LRRC75A: variants seen among roughly 807,000 people sequenced by gnomAD.
LRRC75A encodes the protein leucine-rich repeat-containing protein 75A.
LRRC75A carries 12 observed loss-of-function variants against 26.0 expected under a neutral mutation model. That is an observed-to-expected ratio of 0.46 (90% CI 0.30 to 0.75). LRRC75A has a LOEUF of 0.75. LRRC75A is among the 30% of genes least tolerant of loss of function. The probability of loss-of-function intolerance (pLI) is 0.08; values close to 1 mark genes in which losing one functional copy is unlikely to be tolerated. For missense variants in LRRC75A, 410 were observed against 486.6 expected, an observed-to-expected ratio of 0.84 and a Z score of 1.48; for synonymous variants, 223 against 219.3, an observed-to-expected ratio of 1.02 and a Z score of -0.15.
intron 1 of LRRC75A, among the ~76,000 whole-genome samples, chr17:16,476,952 A>C (rs1360215879): frequency 4.0e-5 from 6 of 150,870 alleles, no homozygotes; most frequent in Admixed American, 2.6e-4. Flanking sequence ...GTTAGCCAGG[A>C]TGGTCTCAAT....
chr17:16,457,213 T>C (rs796367372), intron 2 of LRRC75A, among the ~76,000 whole-genome samples: 55 of 152,292 alleles, frequency 3.6e-4, no homozygotes, highest in African/African-American at 1.3e-3. Context: ...TTCAAGGCTA[T>C]CCCTCCCTCA....
At chr17:16,475,692 C>T (rs1448974221) in intron 1 of LRRC75A, among the ~76,000 whole-genome samples, 1 of 152,088 alleles carries the variant, frequency 6.6e-6, no homozygotes, top group Non-Finnish European at 1.5e-5. Flanking sequence ...CCTGCCTCAG[C>T]CCCCTGAATA....
intron 2 of LRRC75A, among the ~76,000 whole-genome samples, chr17:16,453,308 A>G (rs71360170): frequency 0.3 from 31,370 of 103,632 alleles, 3,634 homozygotes; most frequent in Non-Finnish European, 0.45. Context: ...ACACACACAC[A>G]CACGCACACA....
chr17:16,474,863 G>A (rs1279312859), intron 1 of LRRC75A, among the ~76,000 whole-genome samples: 1 of 151,688 alleles, frequency 6.6e-6, no homozygotes, highest in Non-Finnish European at 1.5e-5. Context: ...CGTGGTGGTG[G>A]GCGCCTGTAG....
intron 3 of LRRC75A, among the ~76,000 whole-genome samples, chr17:16,446,133 T>C (rs920167782): frequency 6.6e-6 from 1 of 152,222 alleles, no homozygotes; most frequent in Non-Finnish European, 1.5e-5. Context: ...GGTCTTGAAC[T>C]TCCTACTTCA....
At chr17:16,480,643 C>CAAAAA (rs60509458) in intron 1 of LRRC75A, among the ~76,000 whole-genome samples, 1 of 135,976 alleles carries the variant, frequency 7.4e-6, no homozygotes, top group African/African-American at 2.8e-5. Context: ...AAAAAAAAAA[C>CAAAAA]AAAAAAAAAA....
At position 16,486,097 on chromosome 17, in the gene LRRC75A, T is replaced by C. The variant is rs192777488; in HGVS notation, c.246+5648A>G. Among the ~76,000 whole-genome samples the C allele has an allele frequency of 3.9e-5, 6 of 152,218 alleles. No individual in the cohort carries two copies. In the East Asian group the frequency reaches 7.7e-4, roughly 20 times the overall value. On this transcript the variant is annotated intron_variant, in intron 1 of 3. Transcript: ENST00000470794. ...TGATGGGAAGTTTCAATCCATTCTG[T>C]AAGAATTTCCTGAAAACAGACTGTG...
rs1347926209 is a variant in LRRC75A at position 16,492,101 on chromosome 17, G to A, written c.-111C>T. On this transcript the variant is annotated 5_prime_UTR_variant, in exon 1 of 4. Coordinates refer to ENST00000470794, the MANE Select transcript of LRRC75A (RefSeq NM_001113567.3). ...CTCGCCTCCCGGGCTGCAACTTTGG[G>A]GGAACTGTTGCGCGCGGGCGTCGCG... is the stretch of plus-strand genomic sequence containing the variant. The A allele has an allele frequency of 6.2e-6, 6 of 967,896 alleles. No individual in the cohort carries two copies. The East Asian group carries it at 4.7e-4, about 75-fold the overall frequency. 60.0% of individuals were successfully genotyped at this position (967,896 alleles called of 1,614,324 possible). A position where few individuals can be genotyped will look rare whatever the true frequency, so the allele number is the denominator to read the frequency against.
intron 1 of LRRC75A, among the ~76,000 whole-genome samples, chr17:16,487,453 T>G (rs1457467711): frequency 6.6e-6 from 1 of 152,172 alleles, no homozygotes; most frequent in Non-Finnish European, 1.5e-5. Context: ...AGGGGTGAGT[T>G]AAACTCTTAG....
chr17:16,474,153 C>T (rs1352130046), intron 1 of LRRC75A, among the ~76,000 whole-genome samples: 1 of 137,224 alleles, frequency 7.3e-6, no homozygotes, highest in Non-Finnish European at 1.5e-5. Flanking sequence ...CATGGCTCTG[C>T]CCACACGTGG....
chr17:16,448,710 A>G (rs2093606778), intron 2 of LRRC75A, among the ~76,000 whole-genome samples: 1 of 152,218 alleles, frequency 6.6e-6, no homozygotes, highest in South Asian at 2.1e-4. Context: ...ATCCTGTATG[A>G]CTGGTGTCCT....
intron 3 of LRRC75A, chr17:16,446,994 G>A: frequency 2.9e-6 from 1 of 350,430 alleles, no homozygotes; most frequent in Non-Finnish European, 5.7e-6. Context: ...TCTCCATGAG[G>A]GAGGGGGACA....
intron 2 of LRRC75A, among the ~76,000 whole-genome samples, chr17:16,450,434 A>ACCCCTGCCCCCAG (rs6146006): frequency 0.38 from 57,558 of 151,122 alleles, 11,169 homozygotes; most frequent in African/African-American, 0.42. Flanking sequence ...GCCCATCCCC[A>ACCCCTGCCCCCAG]CCCCTGCCCC....
intron 1 of LRRC75A, among the ~76,000 whole-genome samples, chr17:16,480,035 T>C (rs1208248182): frequency 6.6e-6 from 1 of 152,088 alleles, no homozygotes; most frequent in Admixed American, 6.5e-5. Context: ...ACAAACCCTA[T>C]TGTAACCTGC....
chr17:16,454,226 A>G (rs1303628377), intron 2 of LRRC75A, among the ~76,000 whole-genome samples: 1 of 151,844 alleles, frequency 6.6e-6, no homozygotes, highest in Admixed American at 6.6e-5. Flanking sequence ...CTCCATCTCT[A>G]CTAAAAATAC....
intron 1 of LRRC75A, among the ~76,000 whole-genome samples, chr17:16,473,346 C>A (rs2093812214): frequency 6.6e-6 from 1 of 152,120 alleles, no homozygotes; most frequent in African/African-American, 2.4e-5. Flanking sequence ...TGCTACATCC[C>A]CTCCCCCTAA....
intron 1 of LRRC75A, among the ~76,000 whole-genome samples, chr17:16,473,477 G>T (rs1471577162): frequency 6.6e-6 from 1 of 152,156 alleles, no homozygotes; most frequent in African/African-American, 2.4e-5. Flanking sequence ...CCTCTCGAGG[G>T]CACCCTGGCT....
chr17:16,488,014 G>A (rs1220323652), intron 1 of LRRC75A, among the ~76,000 whole-genome samples: 3 of 152,354 alleles, frequency 2.0e-5, no homozygotes, highest in South Asian at 2.1e-4. Flanking sequence ...GGAAACAGAC[G>A]CCTTTTTCTG....
rs1440685269 is a variant in LRRC75A, at chr17:16,491,342, C to T, written c.246+403G>A. 2.0e-5 allele frequency among the ~76,000 whole-genome samples: 3 copies of T among 152,246 alleles called. No individual in the cohort carries two copies. Among genetic ancestry groups the T allele is most frequent in the Non-Finnish European group, 4.4e-5 (3 of 68,034 alleles). On this transcript the variant is annotated intron_variant, in intron 1 of 3. Coordinates refer to ENST00000470794, the MANE Select transcript of LRRC75A (RefSeq NM_001113567.3). This position sits in a 1 kb window ranked among gnomAD's most constrained non-coding sequence, Gnocchi z 5.9. ...CCAAGCCAGGTCCAACTGATAACCG[C>T]ATTCCTTGAGGACCCTCGGCCGGGA... is the stretch of plus-strand genomic sequence containing the variant.
Sources: allele counts gnomAD v4.1 joint callset (sites outside exome capture counted in the v4.1 genomes callset), GRCh38; gene constraint gnomAD v4.1.1; non-coding constraint Gnocchi (gnomAD v3.1); transcripts MANE v1.5; gene names NCBI Gene and HGNC (gene_info 2026-07-23, HGNC 2026-07-21).